The following MACROD2 variants were observed in gnomAD, a reference collection of about 807,000 sequenced individuals.
MACROD2 encodes the protein mono-ADP ribosylhydrolase 2, also known as ADP-ribose glycohydrolase MACROD2.
In MACROD2, 36 loss-of-function variants were observed where a neutral mutation model predicts 70.4. The ratio of observed to expected loss-of-function variants is 0.51; its 90% CI spans 0.39 to 0.68. The LOEUF is 0.68. Among genes scored for constraint, MACROD2 ranks in the 30% least tolerant of loss-of-function variants. The probability of loss-of-function intolerance (pLI) is 0.00; values close to 1 mark genes in which losing one functional copy is unlikely to be tolerated. For missense variants in MACROD2, 496 were observed against 538.4 expected, an observed-to-expected ratio of 0.92 and a Z score of 0.78; for synonymous variants, 172 against 178.8, an observed-to-expected ratio of 0.96 and a Z score of 0.30.
chr20:14,221,469 A>C (rs1255371461), intron 3 of MACROD2, among the ~76,000 whole-genome samples: 1 of 152,176 alleles, frequency 6.6e-6, no homozygotes, highest in Non-Finnish European at 1.5e-5. Flanking sequence ...CTCTCATTAT[A>C]TACAAAAACC....
At chr20:14,677,658 C>A (rs1883127220) in intron 4 of MACROD2, among the ~76,000 whole-genome samples, 1 of 152,152 alleles carries the variant, frequency 6.6e-6, no homozygotes, top group Non-Finnish European at 1.5e-5. Context: ...CTGTGAGTGA[C>A]CTCAGTGTTC....
intron 6 of MACROD2, among the ~76,000 whole-genome samples, chr20:15,380,460 T>A (rs2045628341): frequency 6.6e-6 from 1 of 152,000 alleles, no homozygotes; most frequent in Admixed American, 6.6e-5. Flanking sequence ...GGAGTTCCAT[T>A]ATTTAACAAA....
intron 8 of MACROD2, among the ~76,000 whole-genome samples, chr20:15,742,507 G>A (rs1568535725): frequency 6.6e-6 from 1 of 152,176 alleles, no homozygotes; most frequent in Non-Finnish European, 1.5e-5. Context: ...GAAAGGGACA[G>A]CCCATAACAT....
intron 3 of MACROD2, among the ~76,000 whole-genome samples, chr20:14,398,151 G>A (rs2083600331): frequency 2.0e-5 from 3 of 152,098 alleles, no homozygotes; most frequent in Admixed American, 2.0e-4. Context: ...CTTATCTGTG[G>A]ATGGACATTT....
At chr20:15,916,657 T>C (rs1568638193) in intron 10 of MACROD2, among the ~76,000 whole-genome samples, 1 of 152,254 alleles carries the variant, frequency 6.6e-6, no homozygotes, top group East Asian at 1.9e-4. Flanking sequence ...TTTACTGACT[T>C]AAGTTCGAAA....
chr20:14,971,545 G>T (rs1781660275), intron 5 of MACROD2, among the ~76,000 whole-genome samples: 1 of 152,018 alleles, frequency 6.6e-6, no homozygotes, highest in South Asian at 2.1e-4. Flanking sequence ...GAATCCAGGG[G>T]CTTAAAATAA....
chr20:15,150,939 G>A (rs1343876533), intron 5 of MACROD2, among the ~76,000 whole-genome samples: 1 of 151,984 alleles, frequency 6.6e-6, no homozygotes, highest in South Asian at 2.1e-4. Flanking sequence ...GGAGGCAAGG[G>A]AAACAGGCCC....
In MACROD2 at chr20:15,454,830, G is replaced by C. The variant is rs959663327; in HGVS notation, c.571+23395G>C. 3.1e-4 allele frequency among the ~76,000 whole-genome samples: 18 copies of C among 58,532 alleles called. 2 individuals carry two copies. The highest frequency in any genetic ancestry group is 1.8e-4 in the Non-Finnish European group (5 of 28,034). The allele number at this position is 58,532 out of a possible 152,430, so 38.4% of individuals were successfully genotyped here. ...GCGAAAGTGGGCTTTTAACCATTTC[G>C]CATACTTTGAACTGTGGAGCTGACC... On this transcript the variant is annotated intron_variant, in intron 7 of 17. Transcript: ENST00000684519.
intron 5 of MACROD2, among the ~76,000 whole-genome samples, chr20:14,909,228 G>C (rs1301065877): frequency 6.6e-6 from 1 of 152,070 alleles, no homozygotes; most frequent in Non-Finnish European, 1.5e-5. Context: ...GCTCTGTGTT[G>C]GTACCAGGTT....
At chr20:14,376,563 A>G (rs1248562153) in intron 3 of MACROD2, among the ~76,000 whole-genome samples, 1 of 152,072 alleles carries the variant, frequency 6.6e-6, no homozygotes, top group Non-Finnish European at 1.5e-5. Context: ...CCTGGGCAAT[A>G]TAGTGAGACT....
At chr20:14,721,596 G>A (rs956432586) in intron 5 of MACROD2, among the ~76,000 whole-genome samples, 1 of 152,158 alleles carries the variant, frequency 6.6e-6, no homozygotes, top group African/African-American at 2.4e-5. Context: ...TACTGCCAAA[G>A]CTTGTGGGTG....
rs1045413240 is a variant in MACROD2 at position 16,053,131 on chromosome 20, G to T, written c.*3255G>T. On this transcript the variant is annotated 3_prime_UTR_variant, in exon 18 of 18. Transcript: ENST00000684519. ...CTGTGCCATACACTAAAAAACAACT[G>T]TTGCCTTCATACTATATTTGTTAGA... is the stretch of plus-strand genomic sequence containing the variant. The T allele has an allele frequency of 2.6e-5, 4 of 151,558 alleles. No homozygotes were observed. The highest frequency in any genetic ancestry group is 9.7e-5 in the African/African-American group (4 of 41,186). The allele number at this position is 151,558 out of a possible 1,614,324, so 9.4% of individuals were successfully genotyped here.
At chr20:14,318,949 C>T (rs765404427) in intron 3 of MACROD2, among the ~76,000 whole-genome samples, 1 of 152,106 alleles carries the variant, frequency 6.6e-6, no homozygotes, top group Non-Finnish European at 1.5e-5. Flanking sequence ...GATGACCTTT[C>T]CTGTTTCCTC....
intron 6 of MACROD2, among the ~76,000 whole-genome samples, chr20:15,331,642 T>A (rs1191398392): frequency 6.6e-6 from 1 of 151,754 alleles, no homozygotes; most frequent in Non-Finnish European, 1.5e-5. Context: ...CTCAAAATAG[T>A]ATCAAATGGG....
At position 15,285,927 on chromosome 20, in the gene MACROD2, A is replaced by G. The variant is rs1257795990; in HGVS notation, c.540+55866A>G. Among the ~76,000 whole-genome samples, 4 of 152,094 alleles carry G rather than the reference A, an allele frequency of 2.6e-5. No homozygotes were observed. The South Asian group carries it at 6.2e-4, about 24-fold the overall frequency. On this transcript the variant is annotated intron_variant, in intron 6 of 17. Coordinates refer to ENST00000684519, the MANE Select transcript of MACROD2 (RefSeq NM_001351661.2). ...ATTCATACATATGTGGCAATTCTAA[A>G]TGATTAATCAAAAAGTATCATAAAT...
At chr20:15,760,824 A>G (rs766598842) in intron 8 of MACROD2, among the ~76,000 whole-genome samples, 4 of 152,214 alleles carry the variant, frequency 2.6e-5, no homozygotes, top group Non-Finnish European at 4.4e-5. Context: ...CTATTTCAAT[A>G]AAACAAAAAT....
intron 5 of MACROD2, among the ~76,000 whole-genome samples, chr20:15,040,123 G>A (rs570781972): frequency 6.6e-6 from 1 of 152,162 alleles, no homozygotes; most frequent in South Asian, 2.1e-4. Flanking sequence ...TACCTTGATT[G>A]GCTAACACGG....
chr20:14,760,785 C>A lies in MACROD2; in HGVS notation c.418+75826C>A, dbSNP rs547523047. On this transcript the variant is annotated intron_variant, in intron 5 of 17. Transcript: ENST00000684519. ...TCCTCTTCTTCCCTTTACCAGCCAACAACTACAAACTTAGGTCTCCACTTA... is the reference window on the plus strand; with the variant it reads ...TCCTCTTCTTCCCTTTACCAGCCAAAAACTACAAACTTAGGTCTCCACTTA... Among the ~76,000 whole-genome samples, 22 of 152,094 alleles carry A rather than the reference C, an allele frequency of 1.4e-4. 1 individual carries two copies. The highest frequency in any genetic ancestry group is 2.4e-4 in the Non-Finnish European group (16 of 68,026).
intron 8 of MACROD2, among the ~76,000 whole-genome samples, chr20:15,752,019 C>T (rs2051279900): frequency 6.6e-6 from 1 of 151,884 alleles, no homozygotes; most frequent in African/African-American, 2.4e-5. Context: ...AGTTCTAGAA[C>T]TCGGACTGAC....
Sources: gnomAD v4.1 joint callset for allele counts (sites outside exome capture counted in the v4.1 genomes callset) on GRCh38, gnomAD v4.1.1 for gene constraint, MANE v1.5 for transcripts, NCBI Gene and HGNC (gene_info 2026-07-23, HGNC 2026-07-21) for gene names.